NLGN1: variants seen among roughly 807,000 people sequenced by gnomAD.
NLGN1 encodes neuroligin-1.
A neutral mutation model predicts 65.5 loss-of-function variants in NLGN1; 12 were observed. That is an observed-to-expected ratio of 0.18 (90% CI 0.12 to 0.30). NLGN1 has a LOEUF of 0.30. Among genes scored for constraint, NLGN1 ranks in the 10% least tolerant of loss-of-function variants. The pLI, the probability that NLGN1 is intolerant of heterozygous loss-of-function variation, is 1.00. For missense variants in NLGN1, 750 were observed against 1,007.1 expected (o/e 0.74, Z 3.46); for synonymous variants, 350 against 359.5 (o/e 0.97, Z 0.30).
chr3:174,202,286 T>C (rs1388636390), intron 4 of NLGN1, among the ~76,000 whole-genome samples: 3 of 152,174 alleles, frequency 2.0e-5, no homozygotes, highest in Admixed American at 6.5e-5. Flanking sequence ...TAAATAGCCA[T>C]GTCTATTTCC....
intron 4 of NLGN1, among the ~76,000 whole-genome samples, chr3:174,127,013 G>T (rs1211088858): frequency 6.6e-6 from 1 of 151,856 alleles, no homozygotes; most frequent in Non-Finnish European, 1.5e-5. Flanking sequence ...TGCACAGTAG[G>T]GTATATCTCA....
At chr3:173,561,765 A>G (rs1239217310) in intron 2 of NLGN1, among the ~76,000 whole-genome samples, 1 of 152,206 alleles carries the variant, frequency 6.6e-6, no homozygotes, top group East Asian at 1.9e-4. Flanking sequence ...CATATCAAGC[A>G]TTAAATTTGA....
rs1357886743 is a variant in NLGN1, at chr3:173,539,773, AAC to A, written c.-320-64502_-320-64501del. ...ATATAACATATACATGTACATATAT[AAC>A]ACATATATATGTACATATATACATA... On this transcript the variant is annotated intron_variant, in intron 2 of 6. Coordinates refer to ENST00000457714, the Ensembl canonical transcript of NLGN1. 2.9e-4 allele frequency among the ~76,000 whole-genome samples: 34 copies of A among 118,888 alleles called. No homozygotes were observed. The South Asian group carries it at 4.2e-3, about 15-fold the overall frequency. 78.0% of individuals were successfully genotyped at this position (118,888 alleles called of 152,430 possible). A position where few individuals can be genotyped will look rare whatever the true frequency, so the allele number is the denominator to read the frequency against.
intron 2 of NLGN1, among the ~76,000 whole-genome samples, chr3:173,564,719 A>G (rs576325127): frequency 6.6e-6 from 1 of 152,228 alleles, no homozygotes; most frequent in Admixed American, 6.5e-5. Flanking sequence ...ACATGTTGCA[A>G]ACACAAGAAG....
chr3:173,803,715 G>A (rs962603555), intron 3 of NLGN1, among the ~76,000 whole-genome samples: 1 of 152,112 alleles, frequency 6.6e-6, no homozygotes, highest in Non-Finnish European at 1.5e-5. Flanking sequence ...GTTATGTCCA[G>A]TTTAACAAGC....
chr3:173,469,490 A>G (rs879564052), intron 2 of NLGN1, among the ~76,000 whole-genome samples: 2 of 152,110 alleles, frequency 1.3e-5, no homozygotes, highest in Non-Finnish European at 2.9e-5. Context: ...TGTCATTTCA[A>G]AATGTTCCTT....
intron 4 of NLGN1, among the ~76,000 whole-genome samples, chr3:173,847,911 T>G (rs1726106160): frequency 6.6e-6 from 1 of 152,138 alleles, no homozygotes; most frequent in Non-Finnish European, 1.5e-5. Context: ...TAAAATAGAA[T>G]GTACTATATT....
intron 1 of NLGN1, among the ~76,000 whole-genome samples, chr3:173,421,585 A>C (rs540982738): frequency 1.3e-5 from 2 of 151,750 alleles, no homozygotes; most frequent in East Asian, 3.9e-4. Flanking sequence ...GCTCTTTGCA[A>C]CCTCTGCCTC....
At chr3:173,736,628 A>C (rs1466081395) in intron 3 of NLGN1, among the ~76,000 whole-genome samples, 4 of 151,638 alleles carry the variant, frequency 2.6e-5, no homozygotes. Flanking sequence ...AGAGGGTTGC[A>C]GTATGAGAAA....
intron 4 of NLGN1, among the ~76,000 whole-genome samples, chr3:173,812,637 G>A (rs574791252): frequency 1.3e-5 from 2 of 151,670 alleles, no homozygotes; most frequent in African/African-American, 2.4e-5. Flanking sequence ...AGGCTGAGGC[G>A]GAAGGATCAG....
intron 3 of NLGN1, among the ~76,000 whole-genome samples, chr3:173,806,989 G>C (rs1716805450): frequency 6.6e-6 from 1 of 152,102 alleles, no homozygotes; most frequent in Non-Finnish European, 1.5e-5. Flanking sequence ...TTCTTCCAAA[G>C]GGTAAGGAGA....
intron 4 of NLGN1, among the ~76,000 whole-genome samples, chr3:173,969,624 AAGGTATAGTCAGTTC>A (rs1368410316): frequency 6.6e-6 from 1 of 152,136 alleles, no homozygotes; most frequent in African/African-American, 2.4e-5. Flanking sequence ...TTTCAGGATT[AAGGTATAGTCAGTTC>A]AGGGCTGGAT....
At chr3:173,713,269 A>G (rs1216450456) in intron 3 of NLGN1, among the ~76,000 whole-genome samples, 1 of 152,202 alleles carries the variant, frequency 6.6e-6, no homozygotes, top group Non-Finnish European at 1.5e-5. Context: ...AACTAAAAAC[A>G]AATGAGTAGT....
chr3:173,608,427 TG>T, intron 3 of NLGN1, among the ~76,000 whole-genome samples: 1 of 151,946 alleles, frequency 6.6e-6, no homozygotes, highest in East Asian at 1.9e-4. Context: ...AACTGGAGTT[TG>T]GTTGTGGAGA....
At chr3:173,791,501 T>C (rs920057708) in intron 3 of NLGN1, among the ~76,000 whole-genome samples, 1 of 150,962 alleles carries the variant, frequency 6.6e-6, no homozygotes, top group Non-Finnish European at 1.5e-5. Flanking sequence ...ATCCATTGGC[T>C]TGTTTTTAAG....
intron 4 of NLGN1, among the ~76,000 whole-genome samples, chr3:174,171,906 T>C (rs955811469): frequency 1.3e-5 from 2 of 152,130 alleles, no homozygotes; most frequent in African/African-American, 4.8e-5. Flanking sequence ...CCTCAGATTT[T>C]TATGTATCTG....
chr3:173,857,544 A>G (rs1414821062), intron 4 of NLGN1, among the ~76,000 whole-genome samples: 1 of 152,040 alleles, frequency 6.6e-6, no homozygotes, highest in Non-Finnish European at 1.5e-5. Flanking sequence ...TGTTATTGAT[A>G]ATAACAATAT....
chr3:173,752,357 C>A (rs1688809874), intron 3 of NLGN1, among the ~76,000 whole-genome samples: 1 of 152,098 alleles, frequency 6.6e-6, no homozygotes, highest in South Asian at 2.1e-4. Flanking sequence ...TTTACACCCA[C>A]TGGCATACCT....
At chr3:173,585,816 A>G (rs188183017) in intron 2 of NLGN1, among the ~76,000 whole-genome samples, 1 of 151,826 alleles carries the variant, frequency 6.6e-6, no homozygotes, top group Non-Finnish European at 1.5e-5. Flanking sequence ...GTTCCCAGAC[A>G]TTTTCTTGCA....
Sources: allele counts gnomAD v4.1 joint callset (sites outside exome capture counted in the v4.1 genomes callset), GRCh38; gene constraint gnomAD v4.1.1; transcripts MANE v1.5; gene names NCBI Gene and HGNC (gene_info 2026-07-23, HGNC 2026-07-21).